The following DYRK1A variants were observed in gnomAD, a reference collection of about 807,000 sequenced individuals.
The protein encoded by DYRK1A is dual specificity tyrosine phosphorylation regulated kinase 1A.
A neutral mutation model predicts 79.7 loss-of-function variants in DYRK1A; 9 were observed. The observed-to-expected ratio is 0.11, with a 90% CI of 0.07 to 0.20. The LOEUF (loss-of-function observed/expected upper bound fraction) is 0.20, where lower values mean the gene tolerates loss of function less well. Among genes scored for constraint, DYRK1A ranks in the 10% least tolerant of loss-of-function variants. The probability of loss-of-function intolerance (pLI) is 1.00; values close to 1 mark genes in which losing one functional copy is unlikely to be tolerated. For missense variants in DYRK1A, 622 were observed against 956.0 expected (o/e 0.65, Z 4.61); for synonymous variants, 349 against 329.7 (o/e 1.06, Z -0.63).
intron 1 of DYRK1A, among the ~76,000 whole-genome samples, chr21:37,390,910 T>TC (rs900136489): frequency 1.3e-5 from 2 of 152,212 alleles, no homozygotes; most frequent in Non-Finnish European, 2.9e-5. Context: ...AACAGTTTCT[T>TC]ACCTGTTCTT....
chr21:37,383,581 C>T (rs11701543), intron 1 of DYRK1A, among the ~76,000 whole-genome samples: 14,204 of 152,202 alleles, frequency 0.093, 782 homozygotes, highest in Non-Finnish European at 0.11. Flanking sequence ...GAGTTCACAG[C>T]ATATATTAAG....
At chr21:37,373,486 G>A (rs2049474385) in intron 1 of DYRK1A, among the ~76,000 whole-genome samples, 2 of 152,182 alleles carry the variant, frequency 1.3e-5, no homozygotes, top group Admixed American at 1.3e-4. Flanking sequence ...GCTTAAACGA[G>A]AAATTTATTT....
rs140382029 is a variant in DYRK1A, at chr21:37,463,516, T to A, written c.11-9168T>A. ...GCTTTTGATTCAAGAACCCCTCATT[T>A]AAAAAATACTACATTCATCCTTACC... On this transcript the variant is annotated intron_variant, in intron 2 of 11. Transcript: ENST00000647188. 6.3e-4 allele frequency among the ~76,000 whole-genome samples: 96 copies of A among 152,302 alleles called. 4 individuals are homozygous for A. In the East Asian group the frequency reaches 0.018, roughly 29 times the overall value.
At chr21:37,369,671 C>T (rs1053655324) in intron 1 of DYRK1A, among the ~76,000 whole-genome samples, 5 of 152,124 alleles carry the variant, frequency 3.3e-5, no homozygotes, top group African/African-American at 1.2e-4. Context: ...CTTGTGTTTG[C>T]GCCATGAAGG....
At chr21:37,373,777 G>T (rs1012124608) in intron 1 of DYRK1A, among the ~76,000 whole-genome samples, 1 of 152,200 alleles carries the variant, frequency 6.6e-6, no homozygotes, top group African/African-American at 2.4e-5. Context: ...AGGAGTCTGG[G>T]ATATGTGGTC....
At chr21:37,372,603 A>G (rs373774842) in intron 1 of DYRK1A, among the ~76,000 whole-genome samples, 3 of 152,166 alleles carry the variant, frequency 2.0e-5, no homozygotes, top group African/African-American at 7.2e-5. Flanking sequence ...GAGTCTCAAC[A>G]GGTTCTGTTG....
chr21:37,398,868 T>C (rs889390696), intron 1 of DYRK1A, among the ~76,000 whole-genome samples: 2 of 152,152 alleles, frequency 1.3e-5, no homozygotes, highest in African/African-American at 2.4e-5. Context: ...GAGGTGATCC[T>C]TTTGTAAAAA....
intron 9 of DYRK1A, among the ~76,000 whole-genome samples, chr21:37,499,191 T>G (rs1322139493): frequency 6.6e-6 from 1 of 152,178 alleles, no homozygotes; most frequent in Non-Finnish European, 1.5e-5. Flanking sequence ...TCTCCAAGTT[T>G]GTGAAGATAT....
chr21:37,430,152 C>T lies in DYRK1A; in HGVS notation c.10+9768C>T, dbSNP rs140343274. 129 of 272,040 alleles carry T rather than the reference C, an allele frequency of 4.7e-4. 1 individual carries two copies. The East Asian group carries it at 0.017, about 37-fold the overall frequency. The allele number at this position is 272,040 out of a possible 1,614,324, so 16.9% of individuals were successfully genotyped here. A position where few individuals can be genotyped will look rare whatever the true frequency, so the allele number is the denominator to read the frequency against. On this transcript the variant is annotated intron_variant, in intron 2 of 11. Coordinates refer to ENST00000647188, the MANE Select transcript of DYRK1A (RefSeq NM_001347721.2). ...GATTTGAAATGAGAGCTTTAGAGCC[C>T]TTTATATTTCTTTTTACCTCACAGC...
rs1397710647 is a variant in DYRK1A, at chr21:37,432,269, G to GAATAGTCC, written c.10+11895_10+11902dup. Among the ~76,000 whole-genome samples the GAATAGTCC allele has an allele frequency of 1.4e-4, 21 of 152,218 alleles. No homozygotes were observed. In the South Asian group the frequency reaches 4.2e-3, roughly 30 times the overall value. On this transcript the variant is annotated intron_variant, in intron 2 of 11. Coordinates refer to ENST00000647188, the MANE Select transcript of DYRK1A (RefSeq NM_001347721.2). ...GAGTTAGTTGATTCAGAAGAGTAAA[G>GAATAGTCC]AATAGTCCAATAGTCCAGTAGTTAA...
chr21:37,386,772 C>G (rs1013831852), intron 1 of DYRK1A, among the ~76,000 whole-genome samples: 1 of 152,152 alleles, frequency 6.6e-6, no homozygotes, highest in African/African-American at 2.4e-5. Context: ...CTCATTTCCC[C>G]CTTTAGTCAC....
intron 2 of DYRK1A, among the ~76,000 whole-genome samples, chr21:37,429,814 A>G (rs945484401): frequency 2.0e-5 from 3 of 152,258 alleles, no homozygotes; most frequent in Non-Finnish European, 2.9e-5. Context: ...GAAGTAAAAG[A>G]ACGAAATGTC....
At chr21:37,481,084 AATAG>A (rs746586654) in intron 5 of DYRK1A, 1 of 362,782 alleles carries the variant, frequency 2.8e-6, no homozygotes, top group Non-Finnish European at 4.9e-6. Flanking sequence ...TTAATCACTT[AATAG>A]ATAGTATTGC....
At chr21:37,371,392 AG>A (rs779251150) in intron 1 of DYRK1A, among the ~76,000 whole-genome samples, 2 of 152,234 alleles carry the variant, frequency 1.3e-5, no homozygotes, top group Non-Finnish European at 2.9e-5. Flanking sequence ...TAAGCCAGCT[AG>A]GTATTTAAAA....
intron 4 of DYRK1A, among the ~76,000 whole-genome samples, chr21:37,478,789 CTT>C (rs1227313977): frequency 6.6e-6 from 1 of 152,110 alleles, no homozygotes; most frequent in African/African-American, 2.4e-5. Flanking sequence ...ATTTTATTGT[CTT>C]TTAACTTTTT....
chr21:37,392,108 G>C (rs991139972), intron 1 of DYRK1A, among the ~76,000 whole-genome samples: 2 of 152,082 alleles, frequency 1.3e-5, no homozygotes, highest in African/African-American at 4.8e-5. Context: ...ACAAATGTTT[G>C]TGTGCCTGTA....
At chr21:37,472,564 A>C (rs201209586) in intron 2 of DYRK1A, 120 bp from the exon 3 acceptor site, 2 of 740,256 alleles carry the variant, frequency 2.7e-6, no homozygotes, top group African/African-American at 1.8e-5. Flanking sequence ...GTTTGTAGTT[A>C]GAAAAGTTTT....
chr21:37,382,071 G>A (rs1457241632), intron 1 of DYRK1A, among the ~76,000 whole-genome samples: 1 of 152,060 alleles, frequency 6.6e-6, no homozygotes, highest in Non-Finnish European at 1.5e-5. Flanking sequence ...ACTAATTTCT[G>A]TAGTAAATAT....
At chr21:37,500,334 T>A (rs1015890470) in intron 9 of DYRK1A, among the ~76,000 whole-genome samples, 7 of 152,208 alleles carry the variant, frequency 4.6e-5, no homozygotes. Context: ...TTGGCCTTGA[T>A]ATACTATTCC....
Sources: allele counts gnomAD v4.1 joint callset (sites outside exome capture counted in the v4.1 genomes callset), GRCh38; gene constraint gnomAD v4.1.1; transcripts MANE v1.5; gene names NCBI Gene and HGNC (gene_info 2026-07-23, HGNC 2026-07-21).